Variants in DNAH7 observed in about 807,000 individuals in gnomAD.
DNAH7 encodes the protein dynein axonemal heavy chain 7.
In DNAH7, 397 loss-of-function variants were observed where a neutral mutation model predicts 444.6. The ratio of observed to expected loss-of-function variants is 0.89; its 90% confidence interval spans 0.82 to 0.97. The LOEUF (loss-of-function observed/expected upper bound fraction) is 0.97, where lower values mean the gene tolerates loss of function less well. Ranked by LOEUF, DNAH7 falls within the 50% of genes least tolerant of loss-of-function variation. DNAH7 has a pLI of 0.00. For missense variants in DNAH7, 4,902 were observed against 4,800.8 expected, an observed-to-expected ratio of 1.02 and a Z score of -0.62; for synonymous variants, 1,636 against 1,624.4, an observed-to-expected ratio of 1.01 and a Z score of -0.17.
At chr2:195,756,532 G>A (rs1381307494) in intron 61 of DNAH7, among the ~76,000 whole-genome samples, 3 of 151,232 alleles carry the variant, frequency 2.0e-5, no homozygotes, top group Non-Finnish European at 4.4e-5. Flanking sequence ...TTTATTTTTT[G>A]AGACGGGATC....
At chr2:196,056,370 G>A (rs533372193) in intron 2 of DNAH7, among the ~76,000 whole-genome samples, 25 of 151,510 alleles carry the variant, frequency 1.7e-4, no homozygotes, top group Middle Eastern at 3.4e-3. Flanking sequence ...GCTTGAGCCC[G>A]GGAGGCGGAG....
intron 5 of DNAH7, among the ~76,000 whole-genome samples, chr2:196,033,566 A>G (rs1696195851): frequency 6.6e-6 from 1 of 152,144 alleles, no homozygotes; most frequent in East Asian, 1.9e-4. Context: ...CTCTGTACCT[A>G]TCTTATTTCA....
At chr2:195,746,516 T>C (rs1037978615) in intron 63 of DNAH7, among the ~76,000 whole-genome samples, 15 of 152,144 alleles carry the variant, frequency 9.9e-5, no homozygotes, top group Non-Finnish European at 1.6e-4. Context: ...TCTACAGAAC[T>C]CTCCACCCCA....
chr2:195,835,381 C>CA (rs58376618), intron 47 of DNAH7, among the ~76,000 whole-genome samples: 1,551 of 112,958 alleles, frequency 0.014, 11 homozygotes, highest in African/African-American at 0.026. Context: ...GTGACTGAGG[C>CA]AAAAAAAAAA....
chr2:196,042,663 C>G (rs1013549213), intron 5 of DNAH7, among the ~76,000 whole-genome samples: 2 of 152,060 alleles, frequency 1.3e-5, no homozygotes, highest in East Asian at 3.8e-4. Flanking sequence ...AACACATCTA[C>G]TAGAATGGCT....
rs567066203 is a variant in DNAH7, at chr2:195,746,680, G to A, written c.11765-5811C>T. 2.0e-5 allele frequency among the ~76,000 whole-genome samples: 3 copies of A among 152,254 alleles called. No individual in the cohort carries two copies. The East Asian group carries it at 5.8e-4, about 29-fold the overall frequency. On this transcript the variant is annotated intron_variant, in intron 63 of 64. Coordinates refer to ENST00000312428, the MANE Select transcript of DNAH7 (RefSeq NM_018897.3). ...CACAGTGCAATCAAACTAGAACTCA[G>A]GATTAAGAAACTCACTCAAAACCAC...
intron 19 of DNAH7, among the ~76,000 whole-genome samples, chr2:195,946,371 C>A (rs1477572776): frequency 6.6e-6 from 1 of 152,058 alleles, no homozygotes; most frequent in African/African-American, 2.4e-5. Flanking sequence ...ATCAGAAGGT[C>A]AGTTTGAAGA....
intron 7 of DNAH7, among the ~76,000 whole-genome samples, chr2:196,025,582 T>G (rs140461935): frequency 6.6e-6 from 1 of 152,144 alleles, no homozygotes. Context: ...GACTAGACTG[T>G]TTTTCATCCT....
At chr2:195,987,314 A>T (rs1692986360) in intron 13 of DNAH7, 121 bp from the exon 14 acceptor site, 8 of 643,788 alleles carry the variant, frequency 1.2e-5, no homozygotes, top group Non-Finnish European at 2.0e-5. Context: ...GATTTTTAAA[A>T]ATATATATAA....
At chr2:195,876,968 G>A (rs1701099632) in intron 36 of DNAH7, among the ~76,000 whole-genome samples, 1 of 152,146 alleles carries the variant, frequency 6.6e-6, no homozygotes, top group African/African-American at 2.4e-5. Flanking sequence ...TCAGAGGTTA[G>A]GAAACCTGCC....
Position 195,864,543 on chromosome 2 carries a change from T to TAC in DNAH7, c.7110_7111dup (p.Tyr2371CysfsTer11). The stretch of plus-strand genomic sequence containing the variant: ...ATCTTCATGCCATTCAGTAGTATCA[T>TAC]ACCCCTTAGAGATTTCAACTTGGAA... On this transcript the variant is annotated frameshift_variant, in exon 41 of 65. Coordinates refer to ENST00000312428, the MANE Select transcript of DNAH7 (RefSeq NM_018897.3). LOFTEE classifies it high-confidence loss of function. The TAC allele has an allele frequency of 6.2e-7, 1 of 1,614,184 alleles. No individual in the cohort carries two copies. The highest frequency in any genetic ancestry group is 1.3e-5 in the African/African-American group (1 of 75,044).
chr2:195,970,295 TCA>T (rs1453853596), intron 16 of DNAH7, among the ~76,000 whole-genome samples: 2 of 152,144 alleles, frequency 1.3e-5, no homozygotes, highest in East Asian at 1.9e-4. Context: ...TTCCTCTAAC[TCA>T]CAGATTAGAA....
chr2:195,801,624 C>G (rs1696462852), intron 54 of DNAH7, among the ~76,000 whole-genome samples: 1 of 152,184 alleles, frequency 6.6e-6, no homozygotes, highest in Non-Finnish European at 1.5e-5. Flanking sequence ...CAACTTTTCT[C>G]AACTTGAAGC....
At position 195,749,839 on chromosome 2, in the gene DNAH7, G is replaced by C. The variant is rs1420895902; in HGVS notation, c.11764+4498C>G. Among the ~76,000 whole-genome samples, 13 of 144,220 alleles carry C rather than the reference G, an allele frequency of 9.0e-5. No homozygotes were observed. The East Asian group carries it at 2.8e-3, about 31-fold the overall frequency. The allele number at this position is 144,220 out of a possible 152,430, so 94.6% of individuals were successfully genotyped here. A position where few individuals can be genotyped will look rare whatever the true frequency, so the allele number is the denominator to read the frequency against. ...ACACTCTGGGGACTGTTGTGGGGAA[G>C]GGGGAGGGGGGAGGGATAGCTTTAG... On this transcript the variant is annotated intron_variant, in intron 63 of 64. Coordinates refer to ENST00000312428, the MANE Select transcript of DNAH7 (RefSeq NM_018897.3).
chr2:196,047,538 TA>T, intron 4 of DNAH7, 39 bp from the exon 5 acceptor site: 1 of 1,492,114 alleles, frequency 6.7e-7, no homozygotes, highest in Non-Finnish European at 9.0e-7. Flanking sequence ...ATTATTCATC[TA>T]AAAGGTAAGC....
chr2:195,819,768 G>A (rs1697373109), intron 49 of DNAH7, among the ~76,000 whole-genome samples: 1 of 152,168 alleles, frequency 6.6e-6, no homozygotes, highest in African/African-American at 2.4e-5. Context: ...GTGATCAGCA[G>A]TTAGTCAAGA....
chr2:195,958,409 T>C (rs983725356), intron 18 of DNAH7, among the ~76,000 whole-genome samples: 6 of 152,226 alleles, frequency 3.9e-5, no homozygotes, highest in Non-Finnish European at 7.3e-5. Context: ...GTATGTGTTA[T>C]GTTATTTTTA....
chr2:195,837,486 C>T (rs1246604144), intron 47 of DNAH7, among the ~76,000 whole-genome samples: 1 of 152,114 alleles, frequency 6.6e-6, no homozygotes. Flanking sequence ...GAGGAATTAT[C>T]AGTAATGGGG....
chr2:195,879,084 T>C (rs747699582), intron 36 of DNAH7, among the ~76,000 whole-genome samples: 26 of 152,044 alleles, frequency 1.7e-4, no homozygotes, highest in Non-Finnish European at 3.5e-4. Context: ...AAACACACCA[T>C]CATAACAGTA....
Sources: gnomAD v4.1 joint callset for allele counts (sites outside exome capture counted in the v4.1 genomes callset) on GRCh38, gnomAD v4.1.1 for gene constraint, MANE v1.5 for transcripts, NCBI Gene and HGNC (gene_info 2026-07-23, HGNC 2026-07-21) for gene names.